Variants in AKAP7 observed in about 807,000 individuals in gnomAD.
AKAP7 encodes the protein A-kinase anchoring protein 7.
In AKAP7, 39 loss-of-function variants were observed where a neutral mutation model predicts 39.5. The observed-to-expected ratio is 0.99, with a 90% CI of 0.76 to 1.29. AKAP7 has a LOEUF of 1.29. AKAP7 is among the 50% of genes most tolerant of loss of function. The probability of loss-of-function intolerance (pLI) is 0.00; values close to 1 mark genes in which losing one functional copy is unlikely to be tolerated. For missense variants in AKAP7, 414 were observed against 407.7 expected, an observed-to-expected ratio of 1.02 and a Z score of -0.13; for synonymous variants, 140 against 139.1, an observed-to-expected ratio of 1.01 and a Z score of -0.05.
chr6:131,197,053 TTTTC>T (rs1288179355), intron 5 of AKAP7, among the ~76,000 whole-genome samples: 2 of 152,102 alleles, frequency 1.3e-5, no homozygotes, highest in African/African-American at 4.8e-5. Flanking sequence ...AGATCATCTA[TTTTC>T]TTTCTCTCTT....
chr6:131,242,118 AAC>A, intron 7 of AKAP7: 1 of 984,032 alleles, frequency 1.0e-6, no homozygotes, highest in Non-Finnish European at 1.2e-6. Flanking sequence ...CAACTGAGAA[AAC>A]AACAGTTTGT....
At chr6:131,152,163 A>G (rs1801976051) in intron 2 of AKAP7, among the ~76,000 whole-genome samples, 1 of 152,222 alleles carries the variant, frequency 6.6e-6, no homozygotes, top group Non-Finnish European at 1.5e-5. Context: ...GGAATAAATT[A>G]AATTTGTAAG....
At chr6:131,188,783 G>T (rs1369334733) in intron 5 of AKAP7, among the ~76,000 whole-genome samples, 1 of 151,416 alleles carries the variant, frequency 6.6e-6, no homozygotes, top group Non-Finnish European at 1.5e-5. Context: ...AAATTCCTGG[G>T]CTCAGGCAAT....
intron 5 of AKAP7, among the ~76,000 whole-genome samples, chr6:131,196,027 A>T (rs1157886587): frequency 6.6e-6 from 1 of 152,094 alleles, no homozygotes; most frequent in African/African-American, 2.4e-5. Flanking sequence ...CCCTTTGAAT[A>T]AACTTTCTAC....
chr6:131,146,910 C>T (rs952620476), intron 2 of AKAP7, among the ~76,000 whole-genome samples: 3 of 152,308 alleles, frequency 2.0e-5, no homozygotes, highest in Non-Finnish European at 4.4e-5. Flanking sequence ...CAGTCTTGAA[C>T]GTCAAGAAGC....
Position 131,184,215 on chromosome 6 carries a change from G to A in AKAP7, c.589+14942G>A, listed in dbSNP as rs546605881. 4.0e-4 allele frequency: 162 copies of A among 407,728 alleles called. 1 individual carries two copies. The highest frequency in any genetic ancestry group is 2.8e-3 in the Admixed American group (86 of 31,074). 25.3% of individuals were successfully genotyped at this position (407,728 alleles called of 1,614,324 possible). Reference sequence around the variant, plus strand: ...GGCAGGCTAGAACAACCACCCCAAGGTTCTCTGGACTTGTGAAGGAGAGGA... The same window carrying A: ...GGCAGGCTAGAACAACCACCCCAAGATTCTCTGGACTTGTGAAGGAGAGGA... On this transcript the variant is annotated intron_variant, in intron 5 of 7. Transcript: ENST00000431975.
At chr6:131,128,408 T>C in the AKAP7 span, among the ~76,000 whole-genome samples, 4 of 152,240 alleles carry the variant, frequency 2.6e-5, no homozygotes, top group African/African-American at 9.6e-5. Flanking sequence ...CATGAACTGC[T>C]TATAAGCATA....
intron 7 of AKAP7, among the ~76,000 whole-genome samples, chr6:131,223,211 T>C (rs1435404959): frequency 1.3e-5 from 2 of 152,252 alleles, no homozygotes; most frequent in Non-Finnish European, 2.9e-5. Context: ...ATTGCAATAG[T>C]CTGGAACTAA....
intron 1 of AKAP7, among the ~76,000 whole-genome samples, chr6:131,136,034 C>G (rs1800510795): frequency 6.6e-6 from 1 of 152,192 alleles, no homozygotes; most frequent in Non-Finnish European, 1.5e-5. Context: ...TGAGCCCATC[C>G]CCGAGTTTCA....
intron 7 of AKAP7, among the ~76,000 whole-genome samples, chr6:131,265,925 A>G (rs1243020661): frequency 6.6e-6 from 1 of 152,242 alleles, no homozygotes; most frequent in South Asian, 2.1e-4. Flanking sequence ...AAAAGGATCC[A>G]TAAATATAAT....
chr6:131,172,925 G>A (rs1405355000), intron 5 of AKAP7, among the ~76,000 whole-genome samples: 24 of 151,964 alleles, frequency 1.6e-4, no homozygotes, highest in African/African-American at 5.8e-4. Flanking sequence ...GGCTGGGTGC[G>A]GCGGCTCATG....
chr6:131,127,975 T>C, the AKAP7 span, among the ~76,000 whole-genome samples: 1 of 152,104 alleles, frequency 6.6e-6, no homozygotes, highest in East Asian at 1.9e-4. Flanking sequence ...AGCTAAATAA[T>C]GAGAACAAGT....
chr6:131,264,878 G>A (rs1161064572), intron 7 of AKAP7, among the ~76,000 whole-genome samples: 4 of 152,140 alleles, frequency 2.6e-5, no homozygotes, highest in Non-Finnish European at 4.4e-5. Context: ...GGACTGGTGA[G>A]AAGTGCCACA....
intron 4 of AKAP7, among the ~76,000 whole-genome samples, chr6:131,166,128 A>G (rs990115670): frequency 1.3e-5 from 2 of 152,348 alleles, no homozygotes; most frequent in African/African-American, 4.8e-5. Flanking sequence ...TTTAAACAGT[A>G]GAACCTCATG....
At chr6:131,185,032 G>T in intron 5 of AKAP7, 1 of 735,898 alleles carries the variant, frequency 1.4e-6, no homozygotes, top group Non-Finnish European at 2.6e-6. Context: ...ATCCGCTTTC[G>T]TGCTTGACTG....
chr6:131,135,512 CTG>C lies in AKAP7; in HGVS notation c.-251_-250del, dbSNP rs1562852463. Among the ~76,000 whole-genome samples the C allele has an allele frequency of 2.7e-5, 4 of 149,916 alleles. No homozygotes were observed. The highest frequency in any genetic ancestry group is 4.5e-5 in the Non-Finnish European group (3 of 66,732). Reference sequence around the variant, plus strand: ...GCCTGGCATGCGGGTGCTGCGGCTGCTGCGGCTGCCGCCGCCGCTGCTGCCGC... The same window carrying C: ...GCCTGGCATGCGGGTGCTGCGGCTGCCGGCTGCCGCCGCCGCTGCTGCCGC... On this transcript the variant is annotated 5_prime_UTR_variant, in exon 1 of 8. Transcript: ENST00000431975.
intron 7 of AKAP7, among the ~76,000 whole-genome samples, chr6:131,270,376 T>C (rs1227282342): frequency 6.6e-6 from 1 of 152,236 alleles, no homozygotes; most frequent in East Asian, 1.9e-4. Context: ...TAGTTTCATC[T>C]GTATTGTTGC....
At chr6:131,231,222 G>A (rs1415245672) in intron 7 of AKAP7, among the ~76,000 whole-genome samples, 1 of 152,008 alleles carries the variant, frequency 6.6e-6, no homozygotes, top group Non-Finnish European at 1.5e-5. Flanking sequence ...TGGTAAAAAT[G>A]TAACAAGTAT....
At chr6:131,205,575 C>T (rs540812188) in intron 6 of AKAP7, among the ~76,000 whole-genome samples, 7 of 152,148 alleles carry the variant, frequency 4.6e-5, no homozygotes, top group Non-Finnish European at 1.0e-4. Flanking sequence ...CAGAAACTCT[C>T]TCTCAAATGT....
Sources: gnomAD v4.1 joint callset for allele counts (sites outside exome capture counted in the v4.1 genomes callset) on GRCh38, gnomAD v4.1.1 for gene constraint, MANE v1.5 for transcripts, NCBI Gene and HGNC (gene_info 2026-07-23, HGNC 2026-07-21) for gene names.